The following FMO1 variants were observed in gnomAD, a reference collection of about 807,000 sequenced individuals.
FMO1 encodes flavin containing dimethylaniline monoxygenase 1.
In FMO1, 36 loss-of-function variants were observed where a neutral mutation model predicts 45.4. That is an observed-to-expected ratio of 0.79 (90% CI 0.61 to 1.05). The LOEUF is 1.05. FMO1 is among the 50% of genes least tolerant of loss of function. The pLI, the probability that FMO1 is intolerant of heterozygous loss-of-function variation, is 0.00. For missense variants in FMO1, 615 were observed against 640.3 expected, an observed-to-expected ratio of 0.96 and a Z score of 0.43; for synonymous variants, 228 against 227.2, an observed-to-expected ratio of 1.00 and a Z score of -0.03.
intron 2 of FMO1, among the ~76,000 whole-genome samples, chr1:171,262,353 A>G (rs960832301): frequency 2.0e-5 from 3 of 152,212 alleles, no homozygotes; most frequent in Non-Finnish European, 4.4e-5. Flanking sequence ...GCACACAGAC[A>G]TCATCTAGAG....
rs1416131934 is a variant in FMO1, at chr1:171,253,702, A to C, written c.-6-4380A>C. 2.0e-5 allele frequency among the ~76,000 whole-genome samples: 3 copies of C among 152,064 alleles called. No individual in the cohort carries two copies. The East Asian group carries it at 5.8e-4, about 29-fold the overall frequency. On this transcript the variant is annotated intron_variant, in intron 1 of 8. Coordinates refer to ENST00000617670, the MANE Select transcript of FMO1 (RefSeq NM_001282693.2). ...CTCGAACCCAGGAGGCGGAGGTTGC[A>C]GTGAGCCGAGATCATGCAATTACAC...
At chr1:171,275,199 G>A (rs544424058) in intron 3 of FMO1, 147 bp from the exon 4 acceptor site, 58 of 568,624 alleles carry the variant, frequency 1.0e-4, no homozygotes, top group Middle Eastern at 4.7e-4. Context: ...TGATTAGTCC[G>A]GTAACCTGAT....
chr1:171,254,197 C>T (rs1660042624), intron 1 of FMO1, among the ~76,000 whole-genome samples: 1 of 151,968 alleles, frequency 6.6e-6, no homozygotes, highest in Non-Finnish European at 1.5e-5. Context: ...CAAGCAATTC[C>T]CCTGCCTCAG....
intron 2 of FMO1, among the ~76,000 whole-genome samples, chr1:171,266,970 A>G (rs938839591): frequency 6.6e-6 from 1 of 152,208 alleles, no homozygotes; most frequent in Non-Finnish European, 1.5e-5. Context: ...CAGTTGTCCA[A>G]TCTGGAAACC....
At chr1:171,283,611 G>T (rs980911536) in intron 8 of FMO1, among the ~76,000 whole-genome samples, 1 of 152,270 alleles carries the variant, frequency 6.6e-6, no homozygotes, top group African/African-American at 2.4e-5. Context: ...AGAAGTGTCT[G>T]CTCATTCATT....
At chr1:171,273,958 G>C (rs1278292851) in intron 3 of FMO1, among the ~76,000 whole-genome samples, 1 of 152,102 alleles carries the variant, frequency 6.6e-6, no homozygotes, top group Non-Finnish European at 1.5e-5. Context: ...GACCATCCTG[G>C]CTAACACGGC....
chr1:171,276,049 G>A (rs1052534864), intron 4 of FMO1, among the ~76,000 whole-genome samples: 6 of 152,056 alleles, frequency 3.9e-5, no homozygotes, highest in South Asian at 2.1e-4. Context: ...TTTTCTTATC[G>A]GCCTTTTGCA....
At chr1:171,283,106 C>A (rs1222062144) in intron 7 of FMO1, 38 bp from the exon 8 acceptor site, 2 of 1,105,362 alleles carry the variant, frequency 1.8e-6, no homozygotes, top group East Asian at 2.4e-5. Context: ...TAGACCTAAA[C>A]TTAAGTTGCA....
At chr1:171,278,700 C>T (rs1429918634) in intron 4 of FMO1, 29 bp from the exon 5 acceptor site, 3 of 1,505,024 alleles carry the variant, frequency 2.0e-6, no homozygotes, top group Non-Finnish European at 2.7e-6. Context: ...TGTTAATTCT[C>T]TGTGTGACTT....
chr1:171,256,619 C>G (rs1344617141), intron 1 of FMO1, among the ~76,000 whole-genome samples: 2 of 151,962 alleles, frequency 1.3e-5, no homozygotes, highest in Non-Finnish European at 2.9e-5. Flanking sequence ...CCCTGCAACA[C>G]TTTTACATGT....
Position 171,267,548 on chromosome 1 carries a change from T to A in FMO1, c.138T>A (p.His46Gln). The A allele has an allele frequency of 6.3e-7, 1 of 1,599,530 alleles. No homozygotes were observed. Among genetic ancestry groups the A allele is most frequent in the Non-Finnish European group, 8.5e-7 (1 of 1,174,030 alleles). The change falls in exon 3 of 9, where the codon CAT becomes CAA. Residue 46 changes from histidine to glutamine, a missense_variant. Transcript: ENST00000617670. ...TGTGTGCACTGTTTGTACAGGAACA[T>A]GTTGAAGAAGGCAGAGCCAGTCTCT... is the stretch of plus-strand genomic sequence containing the variant. ...DLGGLWRFTE[H>Q]VEEGRASLYK...
At position 171,269,026 on chromosome 1, in the gene FMO1, T is replaced by C. The variant is rs542964847; in HGVS notation, c.321+1295T>C. Among the ~76,000 whole-genome samples the C allele has an allele frequency of 1.1e-4, 16 of 152,290 alleles. 1 individual carries two copies. The highest frequency in any genetic ancestry group is 3.8e-4 in the African/African-American group (16 of 41,562). ...TCTGCTTGCTGCCATGCACGTAAGATGTGATTTGCTCTTCTTTATCTTCCA... is the reference window on the plus strand; with the variant it reads ...TCTGCTTGCTGCCATGCACGTAAGACGTGATTTGCTCTTCTTTATCTTCCA... On this transcript the variant is annotated intron_variant, in intron 3 of 8. Coordinates refer to ENST00000617670, the MANE Select transcript of FMO1 (RefSeq NM_001282693.2).
intron 1 of FMO1, chr1:171,257,675 G>T (rs369650001): frequency 4.4e-6 from 1 of 227,280 alleles, no homozygotes; most frequent in East Asian, 1.3e-4. Context: ...CTTCAGTTTT[G>T]TATGTGATAA....
At chr1:171,271,258 G>T in intron 3 of FMO1, 1 of 1,093,806 alleles carries the variant, frequency 9.1e-7, no homozygotes, top group Non-Finnish European at 1.4e-6. Context: ...TTTAATTTTT[G>T]GGTGATACTC....
chr1:171,257,996 C>A, intron 1 of FMO1, 86 bp from the exon 2 acceptor site: 1 of 1,525,650 alleles, frequency 6.6e-7, no homozygotes, highest in Non-Finnish European at 9.0e-7. Flanking sequence ...GCCTAATCTT[C>A]CAAATTCTTT....
At chr1:171,267,492 C>G in intron 2 of FMO1, 51 bp from the exon 3 acceptor site, 1 of 1,409,522 alleles carries the variant, frequency 7.1e-7, no homozygotes, top group Non-Finnish European at 9.6e-7. Context: ...TCTTCCCAGG[C>G]TTATTTATGA....
At position 171,267,759 on chromosome 1, in the gene FMO1, C is replaced by T; in HGVS notation, c.321+28C>T. On this transcript the variant is annotated intron_variant, in intron 3 of 8. Transcript: ENST00000617670. ...AAGACACAAAACATCAGTTAGTAGT[C>T]AGAAAGTATTTCCTACCTATTTTCT... is the stretch of plus-strand genomic sequence containing the variant. 2 of 1,550,100 alleles carry T rather than the reference C, an allele frequency of 1.3e-6. 1 individual carries two copies. The highest frequency in any genetic ancestry group is 4.5e-5 in the East Asian group (2 of 44,570).
Position 171,267,642 on chromosome 1 carries a change from T to C in FMO1, c.232T>C (p.Tyr78His), listed in dbSNP as rs1660672727. 1 of 1,613,970 alleles carries C rather than the reference T, an allele frequency of 6.2e-7. No homozygotes were observed. The highest frequency in any genetic ancestry group is 8.5e-7 in the Non-Finnish European group (1 of 1,179,938). The change falls in exon 3 of 9, where the codon TAT (tyrosine) becomes CAT (histidine). Residue 78 changes from tyrosine (Y) to histidine (H), a missense_variant. Coordinates refer to ENST00000617670, the MANE Select transcript of FMO1 (RefSeq NM_001282693.2). ...CYSDFPFPED[Y>H]PNYVPNSQFL... The stretch of plus-strand genomic sequence containing the variant: ...CTCAGACTTTCCATTCCCAGAAGAT[T>C]ATCCAAACTATGTGCCAAATTCTCA...
chr1:171,257,959 C>T lies in FMO1; in HGVS notation c.-6-123C>T, dbSNP rs566625504. 3.7e-5 allele frequency: 41 copies of T among 1,105,494 alleles called. No individual in the cohort carries two copies. The African/African-American group carries it at 6.1e-4, about 16-fold the overall frequency. The allele number at this position is 1,105,494 out of a possible 1,614,324, so 68.5% of individuals were successfully genotyped here. On this transcript the variant is annotated intron_variant, in intron 1 of 8. Transcript: ENST00000617670. ...CTCACATTCACACACCAGAGACCCG[C>T]TACAGAAGATTCAAACTGAGCAAAT...
Sources: gnomAD v4.1 joint callset for allele counts (sites outside exome capture counted in the v4.1 genomes callset) on GRCh38, gnomAD v4.1.1 for gene constraint, MANE v1.5 for transcripts, NCBI Gene and HGNC (gene_info 2026-07-23, HGNC 2026-07-21) for gene names.